The following SLC16A9 variants were observed in gnomAD, a reference collection of about 807,000 sequenced individuals.
SLC16A9 encodes monocarboxylate transporter 9.
A neutral mutation model predicts 44.3 loss-of-function variants in SLC16A9; 26 were observed. The observed-to-expected ratio is 0.59, with a 90% CI of 0.43 to 0.81. SLC16A9 has a LOEUF of 0.81. SLC16A9 is among the 40% of genes least tolerant of loss of function. SLC16A9 has a pLI of 0.00. For synonymous variants in SLC16A9, 230 were observed against 225.1 expected (o/e 1.02, Z -0.19); for missense variants, 559 against 595.8 (o/e 0.94, Z 0.64).
intron 4 of SLC16A9, among the ~76,000 whole-genome samples, chr10:59,655,040 C>T (rs1482494152): frequency 2.0e-5 from 3 of 152,116 alleles, no homozygotes; most frequent in African/African-American, 7.2e-5. Context: ...GCCTGTAATC[C>T]CAGCACTTTG....
At chr10:59,707,534 C>T (rs1372899306) in intron 1 of SLC16A9, among the ~76,000 whole-genome samples, 5 of 143,800 alleles carry the variant, frequency 3.5e-5, no homozygotes, top group Non-Finnish European at 7.5e-5. Context: ...TCACTATAGT[C>T]ACAATTTTGA....
intron 5 of SLC16A9, among the ~76,000 whole-genome samples, chr10:59,653,183 G>T (rs1442535596): frequency 6.6e-6 from 1 of 151,898 alleles, no homozygotes; most frequent in Non-Finnish European, 1.5e-5. Context: ...ACTTTGGGAG[G>T]CCGAGGCGGG....
intron 3 of SLC16A9, among the ~76,000 whole-genome samples, chr10:59,671,386 C>G (rs1839746472): frequency 6.6e-6 from 1 of 152,166 alleles, no homozygotes; most frequent in African/African-American, 2.4e-5. Flanking sequence ...ACTATGCCAT[C>G]TATTTAAGTA....
At position 59,695,153 on chromosome 10, in the gene SLC16A9, G is replaced by T. The variant is rs572699578; in HGVS notation, c.-36-10826C>A. ...ATTAGTGGCTGCCTAGGGCTGGGAG[G>T]TTTTGGGGTAGGGAGAAATGGGGAG... On this transcript the variant is annotated intron_variant, in intron 1 of 5. Transcript: ENST00000395348. 2.1e-4 allele frequency among the ~76,000 whole-genome samples: 32 copies of T among 152,090 alleles called. No homozygotes were observed. In the East Asian group the frequency reaches 5.6e-3, roughly 27 times the overall value.
intron 3 of SLC16A9, among the ~76,000 whole-genome samples, chr10:59,667,049 T>C (rs1417452550): frequency 2.0e-5 from 3 of 151,908 alleles, no homozygotes; most frequent in Non-Finnish European, 4.4e-5. Flanking sequence ...AGCAAATTGA[T>C]ATTTTTTGAT....
chr10:59,701,149 A>G (rs1840514304), intron 1 of SLC16A9, among the ~76,000 whole-genome samples: 1 of 152,164 alleles, frequency 6.6e-6, no homozygotes, highest in Non-Finnish European at 1.5e-5. Flanking sequence ...CATTTGCCCA[A>G]GCACAAAGCC....
rs1839202288 is a variant in SLC16A9 at position 59,651,698 on chromosome 10, A to G, written c.*1074T>C. Reference sequence around the variant, plus strand: ...TTCTTAAGGTTAAATGCAACTGCATAAGGGTATTAATTTCTTATTGCCCTT... The same window carrying G: ...TTCTTAAGGTTAAATGCAACTGCATGAGGGTATTAATTTCTTATTGCCCTT... On this transcript the variant is annotated 3_prime_UTR_variant, in exon 6 of 6. Coordinates refer to ENST00000395348, the MANE Select transcript of SLC16A9 (RefSeq NM_194298.3). 1 of 152,170 alleles carries G rather than the reference A, an allele frequency of 6.6e-6. No individual in the cohort carries two copies. Among genetic ancestry groups the G allele is most frequent in the African/African-American group, 2.4e-5 (1 of 41,444 alleles). 9.4% of individuals were successfully genotyped at this position (152,170 alleles called of 1,614,324 possible).
intron 1 of SLC16A9, among the ~76,000 whole-genome samples, chr10:59,689,197 T>C (rs1016664536): frequency 6.6e-6 from 1 of 152,196 alleles, no homozygotes; most frequent in Admixed American, 6.6e-5. Flanking sequence ...CAGTTAAAAC[T>C]ACCATTGAGT....
rs1432387890 is a variant in SLC16A9 at position 59,697,115 on chromosome 10, T to A, written c.-37+12364A>T. Among the ~76,000 whole-genome samples the A allele has an allele frequency of 9.2e-5, 5 of 54,524 alleles. 2 individuals carry two copies. In the East Asian group the frequency reaches 6.8e-3, roughly 74 times the overall value. 35.8% of individuals were successfully genotyped at this position (54,524 alleles called of 152,430 possible). A position where few individuals can be genotyped will look rare whatever the true frequency, so the allele number is the denominator to read the frequency against. On this transcript the variant is annotated intron_variant, in intron 1 of 5. Transcript: ENST00000395348. The stretch of plus-strand genomic sequence containing the variant: ...CCTGTCCGGGAGGGAGGTGGGGGGG[T>A]TCAGCCCCCCGCCCAGCCAGCCACC...
chr10:59,653,425 C>CAAAAGAAAAAAAAAAAAAAAAAAAAAAA (rs1839259769), intron 5 of SLC16A9, among the ~76,000 whole-genome samples: 1 of 36,764 alleles, frequency 2.7e-5, no homozygotes, highest in African/African-American at 5.9e-5. Flanking sequence ...AACTCCGTCT[C>CAAAAGAAAAAAAAAAAAAAAAAAAAAAA]AAAAAAAAAA....
chr10:59,700,497 AG>A (rs1840498772), intron 1 of SLC16A9, among the ~76,000 whole-genome samples: 1 of 152,252 alleles, frequency 6.6e-6, no homozygotes, highest in Admixed American at 6.5e-5. Flanking sequence ...AAGCAAATGA[AG>A]AACTCCATTT....
intron 2 of SLC16A9, among the ~76,000 whole-genome samples, chr10:59,679,531 C>T (rs72812348): frequency 0.11 from 17,411 of 152,184 alleles, 1,144 homozygotes; most frequent in Non-Finnish European, 0.15. Flanking sequence ...AGAATTTCTT[C>T]TTTTGGGAAA....
rs183366150 is a variant in SLC16A9, at chr10:59,697,097, G to A, written c.-37+12382C>T. Reference sequence around the variant, plus strand: ...CTCTGCCCCGCCAGCCGCCCTGTCCGGGAGGGAGGTGGGGGGGTTCAGCCC... The same window carrying A: ...CTCTGCCCCGCCAGCCGCCCTGTCCAGGAGGGAGGTGGGGGGGTTCAGCCC... On this transcript the variant is annotated intron_variant, in intron 1 of 5. Transcript: ENST00000395348. Among the ~76,000 whole-genome samples, 127 of 92,770 alleles carry A rather than the reference G, an allele frequency of 1.4e-3. 1 individual carries two copies. The highest frequency in any genetic ancestry group is 4.7e-3 in the African/African-American group (112 of 23,778). 60.9% of individuals were successfully genotyped at this position (92,770 alleles called of 152,430 possible). A position where few individuals can be genotyped will look rare whatever the true frequency, so the allele number is the denominator to read the frequency against.
intron 1 of SLC16A9, among the ~76,000 whole-genome samples, chr10:59,701,684 A>G (rs1564714696): frequency 1.3e-5 from 2 of 152,182 alleles, no homozygotes; most frequent in African/African-American, 2.4e-5. Flanking sequence ...TCTTTCTTCT[A>G]AAAGTCTGTA....
At chr10:59,696,495 G>A (rs1185016502) in intron 1 of SLC16A9, among the ~76,000 whole-genome samples, 3 of 152,174 alleles carry the variant, frequency 2.0e-5, no homozygotes, top group Non-Finnish European at 4.4e-5. Flanking sequence ...CCCCCAAAGT[G>A]CCGAGATTGC....
chr10:59,655,379 C>G (rs1443187418), intron 4 of SLC16A9, among the ~76,000 whole-genome samples: 1 of 152,154 alleles, frequency 6.6e-6, no homozygotes, highest in Non-Finnish European at 1.5e-5. Context: ...AGGCTCCATG[C>G]TACATATTTA....
chr10:59,676,404 A>G (rs1029879532), intron 2 of SLC16A9, among the ~76,000 whole-genome samples: 2 of 152,150 alleles, frequency 1.3e-5, no homozygotes, highest in African/African-American at 4.8e-5. Flanking sequence ...ATTCCTCAGC[A>G]CTGGATGAGT....
intron 2 of SLC16A9, among the ~76,000 whole-genome samples, chr10:59,680,749 G>T (rs897055625): frequency 2.0e-5 from 3 of 152,064 alleles, no homozygotes; most frequent in Non-Finnish European, 4.4e-5. Flanking sequence ...GGGAGGCTGA[G>T]GCAGGAGAAT....
intron 3 of SLC16A9, among the ~76,000 whole-genome samples, chr10:59,669,810 A>AC (rs1175223262): frequency 6.6e-6 from 1 of 152,088 alleles, no homozygotes; most frequent in East Asian, 1.9e-4. Context: ...AAAAAAAAAA[A>AC]GTACAGAATA....
Sources: gnomAD v4.1 joint callset for allele counts (sites outside exome capture counted in the v4.1 genomes callset) on GRCh38, gnomAD v4.1.1 for gene constraint, MANE v1.5 for transcripts, NCBI Gene and HGNC (gene_info 2026-07-23, HGNC 2026-07-21) for gene names.